The following TRIM44 variants were observed in gnomAD, a reference collection of about 807,000 sequenced individuals.
The protein encoded by TRIM44 is tripartite motif-containing protein 44.
Under a neutral mutation model 37.4 loss-of-function variants are expected in TRIM44, and 13 were observed. The observed-to-expected ratio is 0.35, with a 90% CI of 0.23 to 0.55. TRIM44 has a LOEUF of 0.55. Ranked by LOEUF, TRIM44 falls within the 20% of genes least tolerant of loss-of-function variation. TRIM44 has a pLI of 0.89. For missense variants in TRIM44, 426 were observed against 437.2 expected (o/e 0.97, Z 0.23); for synonymous variants, 175 against 157.2 (o/e 1.11, Z -0.85).
At chr11:35,806,269 G>A in intron 4 of TRIM44, 89 bp from the exon 5 acceptor site, 2 of 1,426,246 alleles carry the variant, frequency 1.4e-6, no homozygotes, top group Non-Finnish European at 2.0e-6. Flanking sequence ...AGGTATGTCT[G>A]ACATAAAGTC....
chr11:35,707,684 T>C (rs1197268760), intron 2 of TRIM44, among the ~76,000 whole-genome samples: 1 of 147,996 alleles, frequency 6.8e-6, no homozygotes, highest in Non-Finnish European at 1.5e-5. Context: ...ATTTAATAAA[T>C]GGTGCTGGGA....
intron 4 of TRIM44, among the ~76,000 whole-genome samples, chr11:35,805,595 C>CT (rs1853436537): frequency 6.6e-6 from 1 of 152,198 alleles, no homozygotes; most frequent in African/African-American, 2.4e-5. Flanking sequence ...CCCTCCCTCC[C>CT]TTTCTTCCTG....
intron 3 of TRIM44, among the ~76,000 whole-genome samples, chr11:35,727,292 C>T (rs75452559): frequency 6.6e-6 from 1 of 151,998 alleles, no homozygotes; most frequent in Admixed American, 6.5e-5. Context: ...AGAAAAAAAA[C>T]ATAGGAGAGT....
At chr11:35,767,212 T>G (rs1387852086) in intron 4 of TRIM44, among the ~76,000 whole-genome samples, 1 of 152,190 alleles carries the variant, frequency 6.6e-6, no homozygotes, top group Non-Finnish European at 1.5e-5. Flanking sequence ...TGAAATTATT[T>G]TAATCATTAT....
intron 2 of TRIM44, among the ~76,000 whole-genome samples, chr11:35,715,615 G>A (rs1179564123): frequency 6.6e-6 from 1 of 152,064 alleles, no homozygotes; most frequent in Non-Finnish European, 1.5e-5. Context: ...CTGGCCACAA[G>A]TAGAGGAAGG....
intron 4 of TRIM44, among the ~76,000 whole-genome samples, chr11:35,738,194 C>G (rs1852349249): frequency 6.6e-6 from 1 of 152,206 alleles, no homozygotes; most frequent in Non-Finnish European, 1.5e-5. Context: ...GGTGAACACA[C>G]TCATCTTTAT....
At chr11:35,743,298 G>A (rs965976445) in intron 4 of TRIM44, among the ~76,000 whole-genome samples, 2 of 152,154 alleles carry the variant, frequency 1.3e-5, no homozygotes, top group Non-Finnish European at 1.5e-5. Flanking sequence ...GGCACCAGAA[G>A]TTGTTACTGT....
chr11:35,723,039 ACCTC>A (rs1384785439), intron 2 of TRIM44, among the ~76,000 whole-genome samples: 11 of 135,368 alleles, frequency 8.1e-5, no homozygotes, highest in Non-Finnish European at 1.6e-4. Context: ...GTCTCTCTCT[ACCTC>A]CCTCCCTCCC....
chr11:35,729,033 G>A (rs949021816), intron 3 of TRIM44, among the ~76,000 whole-genome samples: 1 of 152,104 alleles, frequency 6.6e-6, no homozygotes, highest in African/African-American at 2.4e-5. Flanking sequence ...ACTCTTGCAG[G>A]TGGAAAAAAG....
intron 4 of TRIM44, among the ~76,000 whole-genome samples, chr11:35,801,296 T>G (rs535404879): frequency 6.6e-6 from 1 of 152,358 alleles, no homozygotes; most frequent in South Asian, 2.1e-4. Flanking sequence ...TTCAGCTGAC[T>G]CTAGCCTTCG....
chr11:35,741,059 A>G (rs543314842), intron 4 of TRIM44, among the ~76,000 whole-genome samples: 15 of 152,164 alleles, frequency 9.9e-5, no homozygotes, highest in East Asian at 3.9e-4. Context: ...TTCTGATTGC[A>G]AATTTGTGGT....
At chr11:35,712,900 C>T (rs1851996437) in intron 2 of TRIM44, among the ~76,000 whole-genome samples, 1 of 152,158 alleles carries the variant, frequency 6.6e-6, no homozygotes, top group African/African-American at 2.4e-5. Flanking sequence ...GCCTGCTGCT[C>T]TCCTGTCCCC....
chr11:35,720,543 T>G (rs1330252537), intron 2 of TRIM44, among the ~76,000 whole-genome samples: 1 of 152,200 alleles, frequency 6.6e-6, no homozygotes, highest in South Asian at 2.1e-4. Context: ...TTTTCTTGAC[T>G]TGCTGCGTAA....
rs1422254965 is a variant in TRIM44 at position 35,811,090 on chromosome 11, GGT to G, written c.*4708_*4709del. ...GAGTTGTGCACAAAGGACCCTGCAA[GGT>G]GTAAATATTTATGACGAGCTGCATA... On this transcript the variant is annotated 3_prime_UTR_variant, in exon 5 of 5. Transcript: ENST00000299413. 1 of 152,098 alleles carries G rather than the reference GGT, an allele frequency of 6.6e-6. No homozygotes were observed. Among genetic ancestry groups the G allele is most frequent in the African/African-American group, 2.4e-5 (1 of 41,408 alleles). 9.4% of individuals were successfully genotyped at this position (152,098 alleles called of 1,614,324 possible). A position where few individuals can be genotyped will look rare whatever the true frequency, so the allele number is the denominator to read the frequency against.
At chr11:35,665,591 T>G (rs1261538117) in intron 1 of TRIM44, among the ~76,000 whole-genome samples, 3 of 122,984 alleles carry the variant, frequency 2.4e-5, no homozygotes, top group African/African-American at 8.0e-5. Context: ...TATCTGTTTT[T>G]TTTTTTTTTT....
rs540137279 is a variant in TRIM44, at chr11:35,803,994, A to G, written c.1008-2364A>G. ...AAGGTACTGTTCTGGGAAGAAAAAA[A>G]AAAAAAAAAGGTTCTTCCTCCCTCC... On this transcript the variant is annotated intron_variant, in intron 4 of 4. Coordinates refer to ENST00000299413, the MANE Select transcript of TRIM44 (RefSeq NM_017583.6). Among the ~76,000 whole-genome samples the G allele has an allele frequency of 3.3e-4, 50 of 152,026 alleles. 1 individual carries two copies. The South Asian group carries it at 0.01, about 31-fold the overall frequency.
intron 1 of TRIM44, among the ~76,000 whole-genome samples, chr11:35,670,060 T>G (rs1851376054): frequency 6.6e-6 from 1 of 152,144 alleles, no homozygotes; most frequent in Non-Finnish European, 1.5e-5. Flanking sequence ...TGACCTCAAA[T>G]GATCTACCCG....
intron 4 of TRIM44, among the ~76,000 whole-genome samples, chr11:35,756,491 C>T (rs1179480778): frequency 6.6e-6 from 1 of 152,104 alleles, no homozygotes; most frequent in Non-Finnish European, 1.5e-5. Context: ...ATTAAATGCC[C>T]TTTATTTACT....
intron 4 of TRIM44, among the ~76,000 whole-genome samples, chr11:35,755,950 C>G (rs1240278928): frequency 6.6e-6 from 1 of 151,628 alleles, no homozygotes; most frequent in Non-Finnish European, 1.5e-5. Flanking sequence ...ATGCCTCCAG[C>G]TTTGTTCTTT....
Sources: gnomAD v4.1 joint callset for allele counts (sites outside exome capture counted in the v4.1 genomes callset) on GRCh38, gnomAD v4.1.1 for gene constraint, MANE v1.5 for transcripts, NCBI Gene and HGNC (gene_info 2026-07-23, HGNC 2026-07-21) for gene names.